TMEM108: variants seen among roughly 807,000 people sequenced by gnomAD.
TMEM108 encodes transmembrane protein 108, also known as cancer/testis antigen 124.
TMEM108 carries 12 observed loss-of-function variants against 35.1 expected under a neutral mutation model. The observed-to-expected ratio is 0.34, with a 90% CI of 0.22 to 0.55. TMEM108 has a LOEUF of 0.55. Among genes scored for constraint, TMEM108 ranks in the 20% least tolerant of loss-of-function variants. The pLI is 0.89. For missense variants in TMEM108, 680 were observed against 753.3 expected (o/e 0.90, Z 1.14); for synonymous variants, 287 against 308.6 (o/e 0.93, Z 0.73).
At chr3:133,099,803 A>T (rs950754558) in intron 2 of TMEM108, among the ~76,000 whole-genome samples, 3 of 152,178 alleles carry the variant, frequency 2.0e-5, no homozygotes, top group African/African-American at 7.2e-5. Flanking sequence ...CTTATTGTTC[A>T]TATCACTATC....
intron 2 of TMEM108, among the ~76,000 whole-genome samples, chr3:133,093,564 G>A (rs1011879748): frequency 3.3e-5 from 5 of 152,166 alleles, no homozygotes; most frequent in Non-Finnish European, 7.4e-5. Context: ...CATAAAAATA[G>A]AAGCATTACA....
chr3:133,373,953 T>C (rs2072755987), intron 3 of TMEM108, among the ~76,000 whole-genome samples: 1 of 152,230 alleles, frequency 6.6e-6, no homozygotes, highest in Admixed American at 6.5e-5. Flanking sequence ...TTGCAGGCTC[T>C]TCACTTTCAT....
chr3:133,040,712 G>C (rs891939705), intron 1 of TMEM108, among the ~76,000 whole-genome samples: 2 of 152,166 alleles, frequency 1.3e-5, no homozygotes, highest in Non-Finnish European at 2.9e-5. Flanking sequence ...TTATGCAAGG[G>C]ACAACAAAAA....
At chr3:133,159,416 A>G (rs1203253086) in intron 2 of TMEM108, among the ~76,000 whole-genome samples, 6 of 152,152 alleles carry the variant, frequency 3.9e-5, no homozygotes, top group Non-Finnish European at 8.8e-5. Context: ...TGCTCTGAGT[A>G]GCTAACTTAC....
intron 2 of TMEM108, among the ~76,000 whole-genome samples, chr3:133,158,654 T>A (rs988064257): frequency 6.6e-6 from 1 of 152,142 alleles, no homozygotes; most frequent in African/African-American, 2.4e-5. Context: ...AACTTTGGCA[T>A]GCAGTCCCCT....
intron 5 of TMEM108, 64 bp from the exon 6 acceptor site, chr3:133,395,800 T>C: frequency 2.8e-6 from 4 of 1,448,640 alleles, no homozygotes; most frequent in Non-Finnish European, 3.7e-6. Context: ...TGTACATTTC[T>C]TTAAGAATGG....
intron 2 of TMEM108, among the ~76,000 whole-genome samples, chr3:133,106,614 G>A (rs1944156468): frequency 6.6e-6 from 1 of 152,206 alleles, no homozygotes; most frequent in Non-Finnish European, 1.5e-5. Flanking sequence ...TGTGGGTTAT[G>A]TCTGAGGCTA....
At chr3:133,116,779 T>C (rs1214856214) in intron 2 of TMEM108, among the ~76,000 whole-genome samples, 1 of 152,168 alleles carries the variant, frequency 6.6e-6, no homozygotes, top group Non-Finnish European at 1.5e-5. Context: ...TCTGCATTTA[T>C]TTATTTATTT....
chr3:133,230,329 C>A (rs974062753), intron 3 of TMEM108, among the ~76,000 whole-genome samples: 5 of 152,120 alleles, frequency 3.3e-5, no homozygotes, highest in African/African-American at 1.2e-4. Context: ...GCATTCTGGC[C>A]GGGCGTTTTA....
At chr3:133,106,495 G>T (rs1944155042) in intron 2 of TMEM108, among the ~76,000 whole-genome samples, 1 of 152,156 alleles carries the variant, frequency 6.6e-6, no homozygotes, top group Non-Finnish European at 1.5e-5. Context: ...CTAGCCTCCA[G>T]GGTGGCCAAC....
chr3:133,395,852 C>G lies in TMEM108; in HGVS notation c.1606-12C>G, dbSNP rs2073297939. ...CTCCAGCTCACTCCATCTCCTCCCT[C>G]TCTCTTCCCAGGACCAGCTCTCAGA... On this transcript the variant is annotated splice_polypyrimidine_tract_variant and intron_variant, in intron 5 of 5. Transcript: ENST00000321871. The G allele has an allele frequency of 3.8e-6, 6 of 1,571,128 alleles. No individual in the cohort carries two copies. Among genetic ancestry groups the G allele is most frequent in the Non-Finnish European group, 5.2e-6 (6 of 1,160,740 alleles).
chr3:133,204,339 C>T (rs896556923), intron 2 of TMEM108, among the ~76,000 whole-genome samples: 1 of 151,748 alleles, frequency 6.6e-6, no homozygotes, highest in African/African-American at 2.4e-5. Context: ...TTGTCTTCTG[C>T]TATCTTTTGG....
At chr3:133,315,968 C>T (rs1429287382) in intron 3 of TMEM108, among the ~76,000 whole-genome samples, 1 of 152,174 alleles carries the variant, frequency 6.6e-6, no homozygotes, top group Non-Finnish European at 1.5e-5. Context: ...CAAAATAGAC[C>T]TCCGCACTAC....
intron 2 of TMEM108, among the ~76,000 whole-genome samples, chr3:133,083,150 C>G (rs1181884732): frequency 6.6e-6 from 1 of 151,956 alleles, no homozygotes; most frequent in Non-Finnish European, 1.5e-5. Context: ...TTTCGCCTCT[C>G]AAGAGACATT....
At chr3:133,227,320 A>G (rs13063196) in intron 2 of TMEM108, among the ~76,000 whole-genome samples, 47,459 of 149,302 alleles carry the variant, frequency 0.32, 8,304 homozygotes, top group East Asian at 0.47. Flanking sequence ...CAGCCTCCCA[A>G]GTAGCTGGGA....
At chr3:133,183,227 C>A (rs959502677) in intron 2 of TMEM108, among the ~76,000 whole-genome samples, 2 of 152,152 alleles carry the variant, frequency 1.3e-5, no homozygotes, top group Non-Finnish European at 2.9e-5. Flanking sequence ...CATCACTTTG[C>A]AATGATAAGT....
At chr3:133,201,861 T>A (rs1192236286) in intron 2 of TMEM108, among the ~76,000 whole-genome samples, 3 of 152,202 alleles carry the variant, frequency 2.0e-5, no homozygotes, top group African/African-American at 7.2e-5. Context: ...TTCTAGATCC[T>A]TGAGGGATCG....
At chr3:133,324,244 A>T (rs1376697983) in intron 3 of TMEM108, among the ~76,000 whole-genome samples, 2 of 152,212 alleles carry the variant, frequency 1.3e-5, no homozygotes, top group African/African-American at 4.8e-5. Flanking sequence ...CAACCCAGAG[A>T]GTGGGAGAAA....
chr3:133,284,486 A>G (rs1423290153), intron 3 of TMEM108, among the ~76,000 whole-genome samples: 1 of 152,122 alleles, frequency 6.6e-6, no homozygotes, highest in African/African-American at 2.4e-5. Flanking sequence ...TTGTTCCTTC[A>G]GTCTGTCTTC....
Sources: allele counts gnomAD v4.1 joint callset (sites outside exome capture counted in the v4.1 genomes callset), GRCh38; gene constraint gnomAD v4.1.1; transcripts MANE v1.5; gene names NCBI Gene and HGNC (gene_info 2026-07-23, HGNC 2026-07-21).